SLC12A6: variants seen among roughly 807,000 people sequenced by gnomAD.
SLC12A6 encodes the protein solute carrier family 12 member 6.
A neutral mutation model predicts 135.3 loss-of-function variants in SLC12A6; 66 were observed. That is an observed-to-expected ratio of 0.49 (90% confidence interval 0.40 to 0.60). The LOEUF is 0.60. Among genes scored for constraint, SLC12A6 ranks in the 20% least tolerant of loss-of-function variants. The pLI is 0.00. For synonymous variants in SLC12A6, 513 were observed against 508.8 expected (o/e 1.01, Z -0.11); for missense variants, 1,058 against 1,452.3 (o/e 0.73, Z 4.41).
intron 11 of SLC12A6, 69 bp from the exon 12 acceptor site, chr15:34,250,798 G>A (rs916741831): frequency 6.6e-6 from 9 of 1,366,446 alleles, no homozygotes; most frequent in South Asian, 4.7e-5. Flanking sequence ...TGATAGCAAA[G>A]AGTAGAAGCA....
At chr15:34,308,706 T>C (rs141120940) in intron 2 of SLC12A6, among the ~76,000 whole-genome samples, 180 of 150,316 alleles carry the variant, frequency 1.2e-3, no homozygotes, top group African/African-American at 4.1e-3. Context: ...TTTAGTGCCA[T>C]TTGAAAGAAT....
At chr15:34,238,909 T>C in intron 20 of SLC12A6, 56 bp downstream of exon 20, 1 of 1,449,128 alleles carries the variant, frequency 6.9e-7, no homozygotes, top group Non-Finnish European at 9.7e-7. Context: ...GTGACAGAGA[T>C]TTAACTATAT....
At chr15:34,286,990 C>A (rs1895128581) in intron 2 of SLC12A6, among the ~76,000 whole-genome samples, 2 of 150,670 alleles carry the variant, frequency 1.3e-5, no homozygotes, top group South Asian at 4.2e-4. Flanking sequence ...AATGCCAAAG[C>A]AAGTACTTTT....
intron 10 of SLC12A6, 50 bp downstream of exon 10, chr15:34,252,120 A>G (rs1371916676): frequency 2.1e-6 from 2 of 940,896 alleles, no homozygotes; most frequent in Non-Finnish European, 3.5e-6. Context: ...GACAAGGCCT[A>G]TTTTCCCCAG....
chr15:34,242,704 A>C (rs568354365), intron 16 of SLC12A6, among the ~76,000 whole-genome samples: 1 of 152,274 alleles, frequency 6.6e-6, no homozygotes, highest in South Asian at 2.1e-4. Flanking sequence ...TTTTATAAAT[A>C]CTTATTAGCA....
At chr15:34,308,520 G>C (rs1287323568) in intron 2 of SLC12A6, among the ~76,000 whole-genome samples, 1 of 151,262 alleles carries the variant, frequency 6.6e-6, no homozygotes, top group Non-Finnish European at 1.5e-5. Context: ...AGCTACTCTG[G>C]AGTCTGAGAC....
At chr15:34,320,865 C>T (rs990049111) in intron 2 of SLC12A6, among the ~76,000 whole-genome samples, 7 of 151,396 alleles carry the variant, frequency 4.6e-5, no homozygotes, top group African/African-American at 1.7e-4. Context: ...GCCAAGATCA[C>T]GTCACTGTAC....
chr15:34,302,653 C>G (rs530235717), intron 2 of SLC12A6, among the ~76,000 whole-genome samples: 1 of 151,850 alleles, frequency 6.6e-6, no homozygotes, highest in Non-Finnish European at 1.5e-5. Flanking sequence ...TGAGATTGTG[C>G]CACTGCACTC....
Position 34,241,351 on chromosome 15 carries a change from A to C in SLC12A6, c.2163-14T>G. On this transcript the variant is annotated splice_polypyrimidine_tract_variant and intron_variant, in intron 17 of 25. Transcript: ENST00000354181. ...TCTTTCTCAGCTCTGTGAGAAAAAG[A>C]AAAGAGCAGAGACAAATTTAAACTA... 7.2e-7 allele frequency: 1 copy of C among 1,382,206 alleles called. No individual in the cohort carries two copies. The highest frequency in any genetic ancestry group is 1.2e-5 in the South Asian group (1 of 86,456). The allele number at this position is 1,382,206 out of a possible 1,614,324, so 85.6% of individuals were successfully genotyped here. A position where few individuals can be genotyped will look rare whatever the true frequency, so the allele number is the denominator to read the frequency against.
chr15:34,306,151 G>C (rs1240484331), intron 2 of SLC12A6, among the ~76,000 whole-genome samples: 2 of 152,208 alleles, frequency 1.3e-5, no homozygotes, highest in South Asian at 4.1e-4. Context: ...CAGATGGGTT[G>C]TTTATCTTTG....
chr15:34,243,016 C>T (rs2140676749), intron 16 of SLC12A6, among the ~76,000 whole-genome samples: 1 of 152,262 alleles, frequency 6.6e-6, no homozygotes, highest in East Asian at 2.0e-4. Context: ...ACCTCAGCCT[C>T]CTGAGTAGCT....
At chr15:34,305,924 AT>A (rs544576011) in intron 2 of SLC12A6, among the ~76,000 whole-genome samples, 88 of 151,976 alleles carry the variant, frequency 5.8e-4, no homozygotes, top group African/African-American at 2.1e-3. Context: ...CGCCCGGCTA[AT>A]TTTTTGTATC....
chr15:34,301,250 C>T (rs908181370), intron 2 of SLC12A6, among the ~76,000 whole-genome samples: 1 of 152,108 alleles, frequency 6.6e-6, no homozygotes, highest in Admixed American at 6.6e-5. Context: ...CCGGCCTCAA[C>T]ATGTTTGTTA....
In SLC12A6 at chr15:34,284,268, G is replaced by GTTTCT. The variant is rs1175287197; in HGVS notation, c.272-8884_272-8880dup. Among the ~76,000 whole-genome samples, 750 of 130,742 alleles carry GTTTCT rather than the reference G, an allele frequency of 5.7e-3. 2 individuals carry two copies. Among genetic ancestry groups the GTTTCT allele is most frequent in the Middle Eastern group, 0.014 (3 of 218 alleles). The allele number at this position is 130,742 out of a possible 152,430, so 85.8% of individuals were successfully genotyped here. A position where few individuals can be genotyped will look rare whatever the true frequency, so the allele number is the denominator to read the frequency against. On this transcript the variant is annotated intron_variant, in intron 2 of 25. Transcript: ENST00000354181. ...AAGTAATGTCCATATTACTTTCTTT[G>GTTTCT]TTTCTTTTCTTTTTTTTTTTTTTTT...
At chr15:34,299,652 G>C (rs1398152847) in intron 2 of SLC12A6, 2 of 152,150 alleles carry the variant, frequency 1.3e-5, no homozygotes, top group Non-Finnish European at 2.9e-5. Flanking sequence ...TTGTTTGCTA[G>C]GTAACTGAAG....
rs1890868732 is a variant in SLC12A6, at chr15:34,230,743, A to G, written c.*3138T>C. 1 of 151,272 alleles carries G rather than the reference A, an allele frequency of 6.6e-6. No individual in the cohort carries two copies. The highest frequency in any genetic ancestry group is 6.6e-5 in the Admixed American group (1 of 15,110). 9.4% of individuals were successfully genotyped at this position (151,272 alleles called of 1,614,324 possible). A position where few individuals can be genotyped will look rare whatever the true frequency, so the allele number is the denominator to read the frequency against. On this transcript the variant is annotated 3_prime_UTR_variant, in exon 26 of 26. Transcript: ENST00000354181. ...GAGATGAGAGACTTTGGAGACAGAC[A>G]ACGTAAGCAACACATACACACATGA...
intron 13 of SLC12A6, 51 bp from the exon 14 acceptor site, chr15:34,245,918 G>A (rs760743395): frequency 9.1e-6 from 13 of 1,430,536 alleles, no homozygotes; most frequent in African/African-American, 1.4e-5. Flanking sequence ...ACTTTAGACT[G>A]AAAGACTAGA....
At chr15:34,289,447 T>TTG (rs1895360274) in intron 2 of SLC12A6, among the ~76,000 whole-genome samples, 1 of 152,166 alleles carries the variant, frequency 6.6e-6, no homozygotes, top group Non-Finnish European at 1.5e-5. Context: ...AAAATTCTTT[T>TTG]TTGTTGTGTC....
chr15:34,330,179 G>A (rs983512122), intron 2 of SLC12A6, among the ~76,000 whole-genome samples: 3 of 152,084 alleles, frequency 2.0e-5, no homozygotes, highest in East Asian at 1.9e-4. Context: ...TGGCTGATAC[G>A]GCTCTTTTTA....
Sources: gnomAD v4.1 joint callset for allele counts (sites outside exome capture counted in the v4.1 genomes callset) on GRCh38, gnomAD v4.1.1 for gene constraint, MANE v1.5 for transcripts, NCBI Gene and HGNC (gene_info 2026-07-23, HGNC 2026-07-21) for gene names.